Variants in CERS6 observed in about 807,000 individuals in gnomAD.
The protein encoded by CERS6 is ceramide synthase 6.
A neutral mutation model predicts 56.8 loss-of-function variants in CERS6; 26 were observed. The observed-to-expected ratio is 0.46, with a 90% CI of 0.34 to 0.63. The LOEUF is 0.63. Ranked by LOEUF, CERS6 falls within the 30% of genes least tolerant of loss-of-function variation. CERS6 has a pLI of 0.01. For missense variants in CERS6, 415 were observed against 467.5 expected (o/e 0.89, Z 1.04); for synonymous variants, 164 against 173.3 (o/e 0.95, Z 0.42).
At chr2:168,750,181 G>T (rs1574218759) in intron 8 of CERS6, among the ~76,000 whole-genome samples, 1 of 152,116 alleles carries the variant, frequency 6.6e-6, no homozygotes, top group East Asian at 1.9e-4. Context: ...CTTCTACCTT[G>T]CATCCAGCCC....
At chr2:168,495,796 G>C (rs996400930) in intron 1 of CERS6, among the ~76,000 whole-genome samples, 1 of 152,092 alleles carries the variant, frequency 6.6e-6, no homozygotes, top group Admixed American at 6.6e-5. Context: ...TTTCAGGGGG[G>C]GCATGATTGT....
chr2:168,510,052 T>C (rs1250346056), intron 1 of CERS6, among the ~76,000 whole-genome samples: 2 of 150,686 alleles, frequency 1.3e-5, no homozygotes, highest in African/African-American at 4.9e-5. Flanking sequence ...TAAAAATCAG[T>C]AGTATATTAG....
intron 8 of CERS6, among the ~76,000 whole-genome samples, chr2:168,761,282 G>T (rs955055744): frequency 1.3e-5 from 2 of 152,144 alleles, no homozygotes; most frequent in Admixed American, 1.3e-4. Context: ...GCCACTGATT[G>T]TCATGGCAAA....
chr2:168,610,549 G>A (rs1684163007), intron 3 of CERS6, among the ~76,000 whole-genome samples: 1 of 152,154 alleles, frequency 6.6e-6, no homozygotes, highest in Non-Finnish European at 1.5e-5. Context: ...TCCAAACGGA[G>A]AACTGAGCAA....
intron 8 of CERS6, among the ~76,000 whole-genome samples, chr2:168,741,946 C>T (rs1050010417): frequency 2.0e-5 from 3 of 152,116 alleles, no homozygotes; most frequent in Non-Finnish European, 2.9e-5. Flanking sequence ...ATGAGCATGT[C>T]GCTGGCAGCT....
At chr2:168,714,451 G>A (rs768669184) in intron 6 of CERS6, among the ~76,000 whole-genome samples, 14 of 152,166 alleles carry the variant, frequency 9.2e-5, no homozygotes, top group Non-Finnish European at 1.8e-4. Context: ...AATACCTGCC[G>A]AAGCCCCAAT....
chr2:168,605,665 C>G (rs1196060549), intron 3 of CERS6, among the ~76,000 whole-genome samples: 1 of 152,162 alleles, frequency 6.6e-6, no homozygotes, highest in Non-Finnish European at 1.5e-5. Context: ...GCTTCCCTGC[C>G]TTGGGACACT....
chr2:168,726,363 T>C (rs1429007082), intron 8 of CERS6, among the ~76,000 whole-genome samples: 1 of 152,254 alleles, frequency 6.6e-6, no homozygotes, highest in African/African-American at 2.4e-5. Context: ...ATAAAGCATT[T>C]GATGAGATAC....
At chr2:168,595,963 A>G (rs1244873802) in intron 3 of CERS6, among the ~76,000 whole-genome samples, 1 of 151,892 alleles carries the variant, frequency 6.6e-6, no homozygotes, top group Non-Finnish European at 1.5e-5. Context: ...AAAAATTATT[A>G]TTAGGCCAGG....
At chr2:168,549,313 G>T (rs1031528198) in intron 2 of CERS6, among the ~76,000 whole-genome samples, 1 of 152,254 alleles carries the variant, frequency 6.6e-6, no homozygotes, top group African/African-American at 2.4e-5. Context: ...GTAATAAAAA[G>T]ATTTTGCAGC....
chr2:168,512,598 T>C (rs959678709), intron 1 of CERS6, among the ~76,000 whole-genome samples: 3 of 152,072 alleles, frequency 2.0e-5, no homozygotes, highest in African/African-American at 7.2e-5. Context: ...TCATCTATCA[T>C]GGATGCAGTA....
intron 2 of CERS6, among the ~76,000 whole-genome samples, chr2:168,559,518 G>A (rs910490927): frequency 3.3e-5 from 5 of 151,920 alleles, no homozygotes; most frequent in East Asian, 3.9e-4. Flanking sequence ...GAGACAGAGA[G>A]CATGCAAGCA....
At chr2:168,745,088 G>A (rs1285379644) in intron 8 of CERS6, among the ~76,000 whole-genome samples, 2 of 152,176 alleles carry the variant, frequency 1.3e-5, no homozygotes, top group African/African-American at 4.8e-5. Context: ...GTGGGAAGTG[G>A]AGAAACCAGA....
At chr2:168,565,026 G>A (rs1695859830) in intron 3 of CERS6, among the ~76,000 whole-genome samples, 1 of 152,176 alleles carries the variant, frequency 6.6e-6, no homozygotes, top group Non-Finnish European at 1.5e-5. Flanking sequence ...ATAAATGAGT[G>A]CCTAATATAT....
intron 6 of CERS6, among the ~76,000 whole-genome samples, chr2:168,698,534 G>A (rs568310184): frequency 2.6e-5 from 4 of 152,126 alleles, no homozygotes; most frequent in Admixed American, 2.0e-4. Context: ...CCCGATGACA[G>A]CACCAATGGG....
intron 8 of CERS6, among the ~76,000 whole-genome samples, chr2:168,730,269 C>A (rs774170901): frequency 6.6e-6 from 1 of 152,118 alleles, no homozygotes; most frequent in Non-Finnish European, 1.5e-5. Flanking sequence ...AACAGAAATG[C>A]TTAGTTTATA....
At chr2:168,565,199 A>T (rs930732300) in intron 3 of CERS6, among the ~76,000 whole-genome samples, 25 of 152,200 alleles carry the variant, frequency 1.6e-4, no homozygotes, top group African/African-American at 5.3e-4. Context: ...GTGTATGCAA[A>T]TGTGTGTGTC....
chr2:168,660,730 G>A (rs945684279), intron 4 of CERS6, among the ~76,000 whole-genome samples: 2 of 151,588 alleles, frequency 1.3e-5, no homozygotes, highest in Non-Finnish European at 2.9e-5. Flanking sequence ...TTTTGCTATC[G>A]CATAGTCTTT....
At chr2:168,638,817 T>C (rs1181341149) in intron 4 of CERS6, among the ~76,000 whole-genome samples, 1 of 152,238 alleles carries the variant, frequency 6.6e-6, no homozygotes, top group African/African-American at 2.4e-5. Flanking sequence ...TTCTTCAGGC[T>C]GTGAGGTATA....
Sources: gnomAD v4.1 joint callset for allele counts (sites outside exome capture counted in the v4.1 genomes callset) on GRCh38, gnomAD v4.1.1 for gene constraint, MANE v1.5 for transcripts, NCBI Gene and HGNC (gene_info 2026-07-23, HGNC 2026-07-21) for gene names.